The following RBFOX1 variants were observed in gnomAD, a reference collection of about 807,000 sequenced individuals.
RBFOX1 encodes the protein RNA binding fox-1 homolog 1, also known as RNA binding protein fox-1 homolog 1.
In RBFOX1, 8 loss-of-function variants were observed where a neutral mutation model predicts 57.7. The ratio of observed to expected loss-of-function variants is 0.14; its 90% CI spans 0.08 to 0.25. The LOEUF (loss-of-function observed/expected upper bound fraction) is 0.25, where lower values mean the gene tolerates loss of function less well. RBFOX1 is among the 10% of genes least tolerant of loss of function. The pLI, the probability that RBFOX1 is intolerant of heterozygous loss-of-function variation, is 1.00. For synonymous variants in RBFOX1, 326 were observed against 222.4 expected, an observed-to-expected ratio of 1.47 and a Z score of -4.15; for missense variants, 611 against 548.5, an observed-to-expected ratio of 1.11 and a Z score of -1.14.
chr16:7,478,688 A>T (rs1245198921), intron 4 of RBFOX1, among the ~76,000 whole-genome samples: 2 of 152,128 alleles, frequency 1.3e-5, no homozygotes, highest in Non-Finnish European at 2.9e-5. Flanking sequence ...AAAAACCTCA[A>T]CCTCTGAATA....
chr16:5,281,577 A>G (rs1026700184), intron 1 of RBFOX1, among the ~76,000 whole-genome samples: 9 of 152,334 alleles, frequency 5.9e-5, no homozygotes, highest in Non-Finnish European at 1.0e-4. Flanking sequence ...TCTAGATTTC[A>G]TAATATTTGC....
intron 4 of RBFOX1, among the ~76,000 whole-genome samples, chr16:7,444,697 A>G (rs1302062782): frequency 2.6e-5 from 4 of 151,982 alleles, no homozygotes; most frequent in Non-Finnish European, 5.9e-5. Flanking sequence ...ACACCTGGCT[A>G]ATTTTTACAT....
intron 3 of RBFOX1, among the ~76,000 whole-genome samples, chr16:6,951,095 CAG>C (rs1250935842): frequency 4.6e-5 from 7 of 151,938 alleles, no homozygotes; most frequent in African/African-American, 1.7e-4. Flanking sequence ...TTTGTAGAGA[CAG>C]GGACTCCCTA....
chr16:6,622,735 C>T (rs987799325), intron 2 of RBFOX1, among the ~76,000 whole-genome samples: 1 of 152,110 alleles, frequency 6.6e-6, no homozygotes, highest in African/African-American at 2.4e-5. Flanking sequence ...TAAAAGTGTG[C>T]TTGTATTTTT....
At chr16:6,178,707 C>A (rs1029813169) in intron 1 of RBFOX1, among the ~76,000 whole-genome samples, 1 of 152,152 alleles carries the variant, frequency 6.6e-6, no homozygotes, top group Non-Finnish European at 1.5e-5. Context: ...CTTCTCATCT[C>A]GTTCTTCAAG....
intron 3 of RBFOX1, among the ~76,000 whole-genome samples, chr16:6,887,065 A>T (rs1193502917): frequency 1.3e-5 from 2 of 152,084 alleles, no homozygotes; most frequent in Admixed American, 1.3e-4. Context: ...TGTATTGTCC[A>T]AGTTGGATTT....
intron 3 of RBFOX1, among the ~76,000 whole-genome samples, chr16:7,042,751 C>G (rs1047245308): frequency 4.6e-5 from 7 of 152,206 alleles, no homozygotes; most frequent in African/African-American, 1.4e-4. Flanking sequence ...CATGGCAAAA[C>G]TCCATCTCTG....
chr16:7,239,977 G>A (rs761801942), intron 4 of RBFOX1, among the ~76,000 whole-genome samples: 22 of 151,970 alleles, frequency 1.4e-4, no homozygotes, highest in Admixed American at 9.2e-4. Context: ...TGATGGTGAC[G>A]ATTATTTGAG....
At chr16:6,119,749 C>G (rs558894058) in intron 1 of RBFOX1, among the ~76,000 whole-genome samples, 1 of 152,316 alleles carries the variant, frequency 6.6e-6, no homozygotes, top group South Asian at 2.1e-4. Flanking sequence ...GCAATCCTCC[C>G]TCAGCCTCCT....
chr16:7,520,945 T>C (rs1289279360), intron 5 of RBFOX1, among the ~76,000 whole-genome samples: 1 of 152,240 alleles, frequency 6.6e-6, no homozygotes. Flanking sequence ...CTAGCTGCCA[T>C]GGTTGAACAA....
At chr16:5,651,552 G>A (rs1430262920) in intron 3 of RBFOX1, among the ~76,000 whole-genome samples, 1 of 152,142 alleles carries the variant, frequency 6.6e-6, no homozygotes, top group East Asian at 1.9e-4. Flanking sequence ...GTTGTCAGGA[G>A]TCAGCATTTT....
At chr16:5,882,650 C>T (rs1014272919) in intron 4 of RBFOX1, among the ~76,000 whole-genome samples, 5 of 152,146 alleles carry the variant, frequency 3.3e-5, no homozygotes, top group Non-Finnish European at 7.4e-5. Context: ...TCACAGTAGC[C>T]AAGCTCACGC....
In RBFOX1 at chr16:6,349,277, G is replaced by A. The variant is rs926665171; in HGVS notation, c.-64+32220G>A. On this transcript the variant is annotated intron_variant, in intron 2 of 15. Coordinates refer to ENST00000550418, the MANE Select transcript of RBFOX1 (RefSeq NM_018723.4). ...ATCCCTTACCTAGCCGACGACTTGAGTGTAGAATTCACTCAGCTGATAAGG... is the reference window on the plus strand; with the variant it reads ...ATCCCTTACCTAGCCGACGACTTGAATGTAGAATTCACTCAGCTGATAAGG... Among the ~76,000 whole-genome samples, 7 of 152,180 alleles carry A rather than the reference G, an allele frequency of 4.6e-5. 1 individual carries two copies. The highest frequency in any genetic ancestry group is 2.0e-4 in the Admixed American group (3 of 15,276).
intron 4 of RBFOX1, among the ~76,000 whole-genome samples, chr16:7,436,272 G>C (rs1290442494): frequency 6.6e-6 from 1 of 152,110 alleles, no homozygotes; most frequent in Non-Finnish European, 1.5e-5. Flanking sequence ...CCTATGGGTG[G>C]ATGTTTATGT....
chr16:6,119,846 C>T (rs924347620), intron 1 of RBFOX1, among the ~76,000 whole-genome samples: 7 of 152,130 alleles, frequency 4.6e-5, no homozygotes, highest in South Asian at 2.1e-4. Context: ...TTAGCACATT[C>T]GTAATGTTAT....
chr16:6,913,760 G>C (rs571760313), intron 3 of RBFOX1, among the ~76,000 whole-genome samples: 1 of 152,264 alleles, frequency 6.6e-6, no homozygotes, highest in East Asian at 1.9e-4. Context: ...CAGCGGTTAA[G>C]TCCACTGTGG....
At chr16:6,173,553 G>A (rs2096978263) in intron 1 of RBFOX1, among the ~76,000 whole-genome samples, 1 of 151,624 alleles carries the variant, frequency 6.6e-6, no homozygotes, top group Non-Finnish European at 1.5e-5. Flanking sequence ...TCCTGCTGCA[G>A]GGGCAGGAGA....
intron 1 of RBFOX1, among the ~76,000 whole-genome samples, chr16:6,257,813 C>G (rs1014122211): frequency 6.6e-6 from 1 of 152,090 alleles, no homozygotes; most frequent in South Asian, 2.1e-4. Flanking sequence ...TTTTCTTAAT[C>G]CACTCTATCA....
intron 3 of RBFOX1, among the ~76,000 whole-genome samples, chr16:6,718,296 G>C (rs1410222519): frequency 6.6e-6 from 1 of 152,162 alleles, no homozygotes; most frequent in African/African-American, 2.4e-5. Flanking sequence ...AGTGGTGAAT[G>C]GAACAGACGT....
Sources: allele counts gnomAD v4.1 joint callset (sites outside exome capture counted in the v4.1 genomes callset), GRCh38; gene constraint gnomAD v4.1.1; transcripts MANE v1.5; gene names NCBI Gene and HGNC (gene_info 2026-07-23, HGNC 2026-07-21).